The following ASIC2 variants were observed in gnomAD, a reference collection of about 807,000 sequenced individuals.
The protein encoded by ASIC2 is acid-sensing ion channel 2.
In ASIC2, 25 loss-of-function variants were observed where a neutral mutation model predicts 57.3. The ratio of observed to expected loss-of-function variants is 0.44; its 90% confidence interval spans 0.32 to 0.61. ASIC2 has a LOEUF of 0.61. Among genes scored for constraint, ASIC2 ranks in the 20% least tolerant of loss-of-function variants. The probability of loss-of-function intolerance (pLI) is 0.06; values close to 1 mark genes in which losing one functional copy is unlikely to be tolerated. For missense variants in ASIC2, 641 were observed against 738.1 expected (o/e 0.87, Z 1.52); for synonymous variants, 319 against 307.5 (o/e 1.04, Z -0.39).
intron 1 of ASIC2, among the ~76,000 whole-genome samples, chr17:33,876,407 C>A (rs1029237325): frequency 6.6e-6 from 1 of 152,162 alleles, no homozygotes; most frequent in Non-Finnish European, 1.5e-5. Context: ...TCGAAGATCC[C>A]TTTGAAACCA....
chr17:34,112,832 G>A (rs1374189911), intron 1 of ASIC2, among the ~76,000 whole-genome samples: 1 of 152,180 alleles, frequency 6.6e-6, no homozygotes, highest in Non-Finnish European at 1.5e-5. Context: ...ATTGCTAAGA[G>A]TACAGGACAC....
At chr17:33,986,962 C>T (rs1905840157) in intron 1 of ASIC2, among the ~76,000 whole-genome samples, 2 of 152,296 alleles carry the variant, frequency 1.3e-5, no homozygotes, top group African/African-American at 4.8e-5. Flanking sequence ...GAGTGTCTCC[C>T]TCATTAGCAG....
chr17:33,569,414 G>A (rs1916356024), intron 1 of ASIC2: 1 of 152,278 alleles, frequency 6.6e-6, no homozygotes, highest in African/African-American at 2.4e-5. Context: ...ATGAGCCCCT[G>A]TCACTCTCAT....
At chr17:34,015,924 G>T (rs1196617689) in intron 1 of ASIC2, among the ~76,000 whole-genome samples, 1 of 152,152 alleles carries the variant, frequency 6.6e-6, no homozygotes, top group Non-Finnish European at 1.5e-5. Flanking sequence ...CTACCATGAG[G>T]CTCATATGGG....
chr17:33,134,036 C>T (rs2092358251), intron 1 of ASIC2, among the ~76,000 whole-genome samples: 1 of 152,192 alleles, frequency 6.6e-6, no homozygotes, highest in Admixed American at 6.5e-5. Context: ...TTCACTCATG[C>T]ACTCAACATC....
At chr17:33,266,227 T>C (rs1909453868) in intron 1 of ASIC2, among the ~76,000 whole-genome samples, 1 of 152,144 alleles carries the variant, frequency 6.6e-6, no homozygotes, top group African/African-American at 2.4e-5. Flanking sequence ...ACAACACACA[T>C]GTGTTTTTAT....
At chr17:33,924,937 C>T (rs1044211255) in intron 1 of ASIC2, among the ~76,000 whole-genome samples, 1 of 152,206 alleles carries the variant, frequency 6.6e-6, no homozygotes, top group Non-Finnish European at 1.5e-5. Flanking sequence ...TTTAGTGCCT[C>T]CTGACCCCTA....
At chr17:33,754,000 C>T (rs985898544) in intron 1 of ASIC2, among the ~76,000 whole-genome samples, 2 of 152,148 alleles carry the variant, frequency 1.3e-5, no homozygotes, top group Non-Finnish European at 2.9e-5. Context: ...ACACTCTATA[C>T]TTTCTGCTCC....
chr17:33,578,960 G>C (rs1243040747), intron 1 of ASIC2, among the ~76,000 whole-genome samples: 1 of 152,118 alleles, frequency 6.6e-6, no homozygotes, highest in African/African-American at 2.4e-5. Context: ...TCCTCACCTG[G>C]TCCTAGGGAG....
intron 1 of ASIC2, among the ~76,000 whole-genome samples, chr17:33,204,508 G>A (rs1906989748): frequency 6.6e-6 from 1 of 152,160 alleles, no homozygotes; most frequent in Non-Finnish European, 1.5e-5. Context: ...CTAGTCCCCA[G>A]TTTTCCTCTT....
chr17:33,619,930 A>G (rs1017456649), intron 1 of ASIC2, among the ~76,000 whole-genome samples: 14 of 152,186 alleles, frequency 9.2e-5, no homozygotes, highest in African/African-American at 3.4e-4. Context: ...CTCAAAAGAA[A>G]GCCGTGCAAT....
chr17:33,584,471 T>C (rs896778669), intron 1 of ASIC2, among the ~76,000 whole-genome samples: 5 of 152,030 alleles, frequency 3.3e-5, no homozygotes, highest in Non-Finnish European at 7.4e-5. Flanking sequence ...TCTGGGCAAA[T>C]TGGGAGGAGC....
chr17:33,214,566 C>T (rs1344206974), intron 1 of ASIC2, among the ~76,000 whole-genome samples: 2 of 152,224 alleles, frequency 1.3e-5, no homozygotes, highest in Non-Finnish European at 2.9e-5. Context: ...TCTTCAATCT[C>T]AAAGCCTAAA....
chr17:33,314,156 C>T lies in ASIC2; in HGVS notation c.556-202089G>A, dbSNP rs531894473. On this transcript the variant is annotated intron_variant, in intron 1 of 9. Transcript: ENST00000359872. ...TTTGTTATCTGTCAGGACCTTGGGC[C>T]AAGCATGGGACAACTCAGACCCTCT... 2.0e-5 allele frequency among the ~76,000 whole-genome samples: 3 copies of T among 152,224 alleles called. No homozygotes were observed. The East Asian group carries it at 5.8e-4, about 29-fold the overall frequency.
At chr17:33,509,430 C>T (rs9890036) in intron 1 of ASIC2, among the ~76,000 whole-genome samples, 39 of 152,296 alleles carry the variant, frequency 2.6e-4, no homozygotes, top group African/African-American at 6.3e-4. Flanking sequence ...CAAGGCCAAT[C>T]GGCTCATCTG....
At chr17:33,367,023 G>A (rs900444506) in intron 1 of ASIC2, among the ~76,000 whole-genome samples, 1 of 152,236 alleles carries the variant, frequency 6.6e-6, no homozygotes, top group African/African-American at 2.4e-5. Flanking sequence ...CTGCGTGCTA[G>A]GTGCTAGAAT....
At chr17:34,104,704 C>G (rs1169368368) in intron 1 of ASIC2, among the ~76,000 whole-genome samples, 1 of 151,970 alleles carries the variant, frequency 6.6e-6, no homozygotes, top group South Asian at 2.1e-4. Context: ...TGCCTTTTCT[C>G]CATCTATTAA....
At chr17:33,942,138 G>C (rs1916205076) in intron 1 of ASIC2, among the ~76,000 whole-genome samples, 1 of 152,170 alleles carries the variant, frequency 6.6e-6, no homozygotes, top group Non-Finnish European at 1.5e-5. Flanking sequence ...AGTTGGGGAA[G>C]AAGGGAGAAG....
chr17:34,037,004 A>T (rs1427991404), intron 1 of ASIC2: 1 of 152,738 alleles, frequency 6.5e-6, no homozygotes, highest in African/African-American at 2.4e-5. Flanking sequence ...TCACTTTATG[A>T]CCAAATGTAT....
Sources: gnomAD v4.1 joint callset for allele counts (sites outside exome capture counted in the v4.1 genomes callset) on GRCh38, gnomAD v4.1.1 for gene constraint, MANE v1.5 for transcripts, NCBI Gene and HGNC (gene_info 2026-07-23, HGNC 2026-07-21) for gene names.